NALCN: variants seen among roughly 807,000 people sequenced by gnomAD.
The protein encoded by NALCN is sodium leak channel, non-selective, also known as sodium leak channel NALCN.
NALCN carries 111 observed loss-of-function variants against 225.3 expected under a neutral mutation model. The observed-to-expected ratio is 0.49, with a 90% CI of 0.42 to 0.58. The LOEUF is 0.58. Among genes scored for constraint, NALCN ranks in the 20% least tolerant of loss-of-function variants. The pLI, the probability that NALCN is intolerant of heterozygous loss-of-function variation, is 0.00. For synonymous variants in NALCN, 764 were observed against 769.0 expected, an observed-to-expected ratio of 0.99 and a Z score of 0.11; for missense variants, 1,378 against 2,202.4, an observed-to-expected ratio of 0.63 and a Z score of 7.49.
intron 10 of NALCN, among the ~76,000 whole-genome samples, chr13:101,282,951 C>A (rs1368366357): frequency 6.6e-6 from 1 of 151,964 alleles, no homozygotes; most frequent in Non-Finnish European, 1.5e-5. Flanking sequence ...TGGAGAAAGA[C>A]CCAAAAGAAA....
intron 14 of NALCN, among the ~76,000 whole-genome samples, chr13:101,186,590 T>C (rs74117674): frequency 0.016 from 2,495 of 152,270 alleles, 63 homozygotes; most frequent in African/African-American, 0.056. Context: ...AGTGATAATC[T>C]TTGTTTTAAT....
intron 6 of NALCN, among the ~76,000 whole-genome samples, chr13:101,349,520 A>G (rs1281177118): frequency 2.0e-5 from 3 of 152,194 alleles, no homozygotes; most frequent in African/African-American, 4.8e-5. Flanking sequence ...AACTCCATGA[A>G]TCACTAACAG....
chr13:101,063,863 G>A (rs556387473), intron 40 of NALCN, among the ~76,000 whole-genome samples: 1 of 152,100 alleles, frequency 6.6e-6, no homozygotes, highest in South Asian at 2.1e-4. Context: ...CTAGTCAGTC[G>A]CTCTTATTTT....
chr13:101,302,771 G>A (rs1020565218), intron 7 of NALCN, among the ~76,000 whole-genome samples: 8 of 151,972 alleles, frequency 5.3e-5, no homozygotes, highest in Non-Finnish European at 8.8e-5. Flanking sequence ...ATAACTTCAC[G>A]TTTACATATG....
chr13:101,169,014 G>A (rs1028747289), intron 15 of NALCN, among the ~76,000 whole-genome samples: 1 of 152,096 alleles, frequency 6.6e-6, no homozygotes, highest in Non-Finnish European at 1.5e-5. Context: ...GTGAGAAAAC[G>A]TCCCTGATTT....
chr13:101,392,443 C>A (rs1261824875), intron 3 of NALCN, among the ~76,000 whole-genome samples: 5 of 151,964 alleles, frequency 3.3e-5, no homozygotes, highest in African/African-American at 1.2e-4. Flanking sequence ...AAACATTTGA[C>A]AAATTAAAAA....
chr13:101,287,360 T>C (rs2043376745), intron 9 of NALCN, among the ~76,000 whole-genome samples: 1 of 152,224 alleles, frequency 6.6e-6, no homozygotes. Context: ...GGGCTTGTAA[T>C]GGCTAAATTG....
At chr13:101,111,555 C>T (rs1765258215) in intron 18 of NALCN, among the ~76,000 whole-genome samples, 1 of 152,140 alleles carries the variant, frequency 6.6e-6, no homozygotes, top group Non-Finnish European at 1.5e-5. Flanking sequence ...AGCCTACCCA[C>T]AGTGATATGG....
intron 14 of NALCN, among the ~76,000 whole-genome samples, chr13:101,183,707 G>T (rs553658626): frequency 6.6e-6 from 1 of 152,014 alleles, no homozygotes; most frequent in African/African-American, 2.4e-5. Flanking sequence ...TGATCCACCC[G>T]CCTCGGCCTC....
chr13:101,166,534 T>A (rs979151036), intron 15 of NALCN, among the ~76,000 whole-genome samples: 1 of 152,208 alleles, frequency 6.6e-6, no homozygotes, highest in Non-Finnish European at 1.5e-5. Context: ...GTATACCTTT[T>A]TTAGATAAAT....
chr13:101,066,694 C>A (rs1373236413), intron 39 of NALCN, among the ~76,000 whole-genome samples: 1 of 152,058 alleles, frequency 6.6e-6, no homozygotes, highest in Admixed American at 6.5e-5. Flanking sequence ...GCTCTCACTA[C>A]CTTGAAAGGA....
At chr13:101,373,898 T>G (rs961563986) in intron 6 of NALCN, among the ~76,000 whole-genome samples, 4 of 152,036 alleles carry the variant, frequency 2.6e-5, no homozygotes, top group African/African-American at 9.7e-5. Flanking sequence ...AAAAAGGAAA[T>G]AGTTCCCTCA....
At chr13:101,230,881 C>T (rs188825228) in intron 12 of NALCN, among the ~76,000 whole-genome samples, 193 of 152,070 alleles carry the variant, frequency 1.3e-3, no homozygotes, top group Non-Finnish European at 1.7e-3. Context: ...AGTCATGCAT[C>T]GCATAACTTT....
chr13:101,199,552 A>G (rs1292944626), intron 13 of NALCN, among the ~76,000 whole-genome samples: 2 of 150,276 alleles, frequency 1.3e-5, no homozygotes, highest in Non-Finnish European at 3.0e-5. Context: ...CGCAAGGACA[A>G]AAAACCAAAC....
Position 101,067,898 on chromosome 13 carries a change from A to C in NALCN, c.4446+20T>G. The C allele has an allele frequency of 6.5e-7, 1 of 1,544,442 alleles. No homozygotes were observed. The highest frequency in any genetic ancestry group is 8.9e-7 in the Non-Finnish European group (1 of 1,119,500). The stretch of plus-strand genomic sequence containing the variant: ...AAGTCTCTTTGAGGTGAGGCATGAA[A>C]CAACAACCCACTCCCATACCTCTCT... On this transcript the variant is annotated intron_variant, in intron 39 of 43. Coordinates refer to ENST00000251127, the MANE Select transcript of NALCN (RefSeq NM_052867.4).
chr13:101,180,897 A>G (rs2039185321), intron 14 of NALCN: 2 of 370,592 alleles, frequency 5.4e-6, no homozygotes, highest in African/African-American at 2.1e-5. Context: ...AATCAGTCTT[A>G]TTTCTTCTCA....
At chr13:101,269,896 C>T (rs144977011) in intron 10 of NALCN, among the ~76,000 whole-genome samples, 20 of 152,206 alleles carry the variant, frequency 1.3e-4, no homozygotes, top group Middle Eastern at 3.4e-3. Flanking sequence ...GGCTTTTCAA[C>T]GGTGAAGTGT....
intron 3 of NALCN, among the ~76,000 whole-genome samples, chr13:101,380,175 A>G (rs998570361): frequency 3.9e-5 from 6 of 152,244 alleles, no homozygotes; most frequent in African/African-American, 1.4e-4. Context: ...ATGCAAAATA[A>G]CTGAAATCAA....
chr13:101,110,373 CT>C (rs2035363132), intron 20 of NALCN, among the ~76,000 whole-genome samples: 1 of 152,118 alleles, frequency 6.6e-6, no homozygotes, highest in African/African-American at 2.4e-5. Context: ...GATAATGACA[CT>C]TTTGTGTTAC....
Sources: allele counts gnomAD v4.1 joint callset (sites outside exome capture counted in the v4.1 genomes callset), GRCh38; gene constraint gnomAD v4.1.1; transcripts MANE v1.5; gene names NCBI Gene and HGNC (gene_info 2026-07-23, HGNC 2026-07-21).